Variants in SYNE1 observed in about 807,000 individuals in gnomAD.
SYNE1 encodes spectrin repeat containing nuclear envelope protein 1.
SYNE1 carries 616 observed loss-of-function variants against 1,111.0 expected under a neutral mutation model. The ratio of observed to expected loss-of-function variants is 0.55; its 90% CI spans 0.52 to 0.59. SYNE1 has a LOEUF of 0.59. SYNE1 is among the 20% of genes least tolerant of loss of function. The pLI is 0.00. For missense variants in SYNE1, 10,006 were observed against 10,417.0 expected (o/e 0.96, Z 1.72); for synonymous variants, 3,855 against 3,825.8 (o/e 1.01, Z -0.28).
intron 140 of SYNE1, among the ~76,000 whole-genome samples, chr6:152,137,882 A>G (rs1406744867): frequency 6.6e-6 from 1 of 152,192 alleles, no homozygotes; most frequent in Admixed American, 6.5e-5. Context: ...AAGCATCAGG[A>G]GAAAGTACAA....
At chr6:152,388,091 G>A (rs368591930) in intron 53 of SYNE1, among the ~76,000 whole-genome samples, 2,021 of 152,192 alleles carry the variant, frequency 0.013, 52 homozygotes, top group African/African-American at 0.046. Context: ...CTGCATACAA[G>A]CCTATGAGTC....
At chr6:152,636,990 C>T (rs1391614829) in intron 1 of SYNE1, 185 bp from the exon 2 acceptor site, 1 of 152,460 alleles carries the variant, frequency 6.6e-6, no homozygotes, top group Admixed American at 6.5e-5. Context: ...CCCCTTCGCC[C>T]TCCCCCACGC....
Position 152,302,073 on chromosome 6 carries a change from C to T in SYNE1, c.17347-10G>A, listed in dbSNP as rs757236806. ...TTTTCTGCGCCAGCTCCTGAGGAAA[C>T]ATTTCCCCCACCGGGGTGTCAGAGC... On this transcript the variant is annotated splice_polypyrimidine_tract_variant and intron_variant, in intron 91 of 145. Coordinates refer to ENST00000367255, the MANE Select transcript of SYNE1 (RefSeq NM_182961.4). 1 of 1,614,236 alleles carries T rather than the reference C, an allele frequency of 6.2e-7. No homozygotes were observed. Among genetic ancestry groups the T allele is most frequent in the East Asian group, 2.2e-5 (1 of 44,882 alleles).
rs2098739430 is a variant in SYNE1 at position 152,462,385 on chromosome 6, T to C, written c.2250+353A>G. 1.6e-5 allele frequency: 6 copies of C among 364,264 alleles called. No individual in the cohort carries two copies. The South Asian group carries it at 3.7e-4, about 22-fold the overall frequency. The allele number at this position is 364,264 out of a possible 1,614,324, so 22.6% of individuals were successfully genotyped here. On this transcript the variant is annotated intron_variant, in intron 20 of 145. Transcript: ENST00000367255. ...CTTCATTTGTGAGAGCTGCAGGCTA[T>C]TCAAAATATGCAAATACCACAGTTC...
chr6:152,415,273 A>G (rs2098133887), intron 41 of SYNE1, among the ~76,000 whole-genome samples: 1 of 152,204 alleles, frequency 6.6e-6, no homozygotes, highest in Admixed American at 6.5e-5. Context: ...TGCTTCTCAA[A>G]TGAACTCACC....
Position 152,231,467 on chromosome 6 carries a change from T to C in SYNE1, c.20963A>G (p.Asp6988Gly). The change falls in exon 114 of 146, where the codon GAT (aspartate) becomes GGT (glycine). Residue 6988 changes from aspartate to glycine, a missense_variant. Physicochemically the swap from Asp to Gly is moderately conservative, Grantham distance 94. Coordinates refer to ENST00000367255, the MANE Select transcript of SYNE1 (RefSeq NM_182961.4). Reference sequence around the variant, plus strand: ...AAGTTGCTCAGCAAAATCAGTCTTATCACTACGCTTACTTTCCACATCCTG... The same window carrying C: ...AAGTTGCTCAGCAAAATCAGTCTTACCACTACGCTTACTTTCCACATCCTG... ...SSQDVESKRSDKTDFAEQLGA... is the reference protein window; with the variant it reads ...SSQDVESKRSGKTDFAEQLGA... 6.2e-7 allele frequency: 1 copy of C among 1,614,186 alleles called. No individual in the cohort carries two copies. The highest frequency in any genetic ancestry group is 8.5e-7 in the Non-Finnish European group (1 of 1,180,038).
intron 134 of SYNE1, 85 bp downstream of exon 134, chr6:152,151,874 C>A (rs115219629): frequency 7.8e-6 from 12 of 1,537,298 alleles, no homozygotes; most frequent in Non-Finnish European, 9.8e-6. Context: ...CTTACAAAAT[C>A]ACTGAGACTG....
intron 110 of SYNE1, among the ~76,000 whole-genome samples, chr6:152,235,342 A>T (rs2083752556): frequency 6.6e-6 from 1 of 152,150 alleles, no homozygotes; most frequent in Non-Finnish European, 1.5e-5. Flanking sequence ...AGTATACAAG[A>T]ATCCAAGTGG....
rs139963956 is a variant in SYNE1, at chr6:152,555,112, G to A, written c.68-15091C>T. On this transcript the variant is annotated intron_variant, in intron 3 of 145. Coordinates refer to ENST00000367255, the MANE Select transcript of SYNE1 (RefSeq NM_182961.4). ...GATGAGAAATCTTAGGAAGAGCAAAGAAGTAAAATAGAGACTCTTGATTTT... is the reference window on the plus strand; with the variant it reads ...GATGAGAAATCTTAGGAAGAGCAAAAAAGTAAAATAGAGACTCTTGATTTT... 8.1e-3 allele frequency among the ~76,000 whole-genome samples: 1,229 copies of A among 152,248 alleles called. 11 individuals carry two copies. Among genetic ancestry groups the A allele is most frequent in the African/African-American group, 0.027 (1,106 of 41,566 alleles).
chr6:152,350,101 C>A, intron 72 of SYNE1, 67 bp downstream of exon 72: 1 of 1,586,540 alleles, frequency 6.3e-7, no homozygotes, highest in South Asian at 1.1e-5. Flanking sequence ...CACACACATG[C>A]ACAGACACAT....
chr6:152,267,825 T>C (rs186099327), intron 100 of SYNE1, among the ~76,000 whole-genome samples: 10 of 152,260 alleles, frequency 6.6e-5, no homozygotes, highest in Admixed American at 4.6e-4. Context: ...TTTGGACAGA[T>C]AGGCTGCGCA....
chr6:152,273,406 G>GT (rs971708889), intron 98 of SYNE1, among the ~76,000 whole-genome samples: 1 of 151,656 alleles, frequency 6.6e-6, no homozygotes, highest in South Asian at 2.1e-4. Flanking sequence ...AATCCTCACT[G>GT]TTTTTTTTCT....
chr6:152,140,166 CA>C lies in SYNE1; in HGVS notation c.25247-6del. 6.2e-7 allele frequency: 1 copy of C among 1,614,042 alleles called. No individual in the cohort carries two copies. Among genetic ancestry groups the C allele is most frequent in the Non-Finnish European group, 8.5e-7 (1 of 1,179,922 alleles). On this transcript the variant is annotated splice_polypyrimidine_tract_variant and splice_region_variant and intron_variant, in intron 139 of 145. Coordinates refer to ENST00000367255, the MANE Select transcript of SYNE1 (RefSeq NM_182961.4). Reference sequence around the variant, plus strand: ...GCTCCCATCGGTCAATCACACCTGGCAAGACATGCATAGAACAGTGAGGTTA... The same window carrying C: ...GCTCCCATCGGTCAATCACACCTGGCAGACATGCATAGAACAGTGAGGTTA...
chr6:152,613,833 A>G (rs2099638673), intron 3 of SYNE1, among the ~76,000 whole-genome samples: 3 of 152,178 alleles, frequency 2.0e-5, no homozygotes, highest in African/African-American at 7.2e-5. Context: ...ATAACACCAC[A>G]CATCTACAAC....
At chr6:152,500,143 A>T (rs912987169) in intron 10 of SYNE1, among the ~76,000 whole-genome samples, 5 of 152,208 alleles carry the variant, frequency 3.3e-5, no homozygotes, top group African/African-American at 1.2e-4. Flanking sequence ...TGGGTAATAT[A>T]AGGACTTCAC....
chr6:152,466,180 T>G (rs1275086778), intron 16 of SYNE1, 102 bp from the exon 17 acceptor site: 2 of 712,520 alleles, frequency 2.8e-6, no homozygotes, highest in African/African-American at 3.5e-5. Flanking sequence ...TTACCCAAAT[T>G]TGTTAATCTC....
intron 121 of SYNE1, among the ~76,000 whole-genome samples, chr6:152,217,280 T>C (rs1224949100): frequency 2.8e-5 from 4 of 142,166 alleles, no homozygotes; most frequent in Non-Finnish European, 6.1e-5. Flanking sequence ...CCTGCAGTCC[T>C]AACTACTCGG....
chr6:152,313,749 G>A (rs1425298432), intron 87 of SYNE1, among the ~76,000 whole-genome samples: 1 of 152,082 alleles, frequency 6.6e-6, no homozygotes, highest in Admixed American at 6.6e-5. Flanking sequence ...TTTTCTCACA[G>A]TGCACTCTTT....
At chr6:152,539,294 A>AT (rs1311681857) in intron 4 of SYNE1, among the ~76,000 whole-genome samples, 1 of 152,172 alleles carries the variant, frequency 6.6e-6, no homozygotes, top group African/African-American at 2.4e-5. Context: ...ATCTGAATTT[A>AT]TTTTTACAAA....
Sources: gnomAD v4.1 joint callset for allele counts (sites outside exome capture counted in the v4.1 genomes callset) on GRCh38, gnomAD v4.1.1 for gene constraint, MANE v1.5 for transcripts, NCBI Gene and HGNC (gene_info 2026-07-23, HGNC 2026-07-21) for gene names.